CNTN4: variants seen among roughly 807,000 people sequenced by gnomAD.
The protein encoded by CNTN4 is contactin 4.
Under a neutral mutation model 122.5 loss-of-function variants are expected in CNTN4, and 77 were observed. The observed-to-expected ratio is 0.63, with a 90% CI of 0.52 to 0.76. The LOEUF (loss-of-function observed/expected upper bound fraction) is 0.76, where lower values mean the gene tolerates loss of function less well. Among genes scored for constraint, CNTN4 ranks in the 30% least tolerant of loss-of-function variants. The pLI, the probability that CNTN4 is intolerant of heterozygous loss-of-function variation, is 0.00. For synonymous variants in CNTN4, 512 were observed against 447.0 expected (o/e 1.15, Z -1.83); for missense variants, 1,256 against 1,259.1 (o/e 1.00, Z 0.04).
intron 7 of CNTN4, among the ~76,000 whole-genome samples, chr3:2,824,172 A>AC (rs1423625960): frequency 6.6e-6 from 1 of 151,604 alleles, no homozygotes; most frequent in Non-Finnish European, 1.5e-5. Flanking sequence ...AAAAAAAAAA[A>AC]AACAGGCCAG....
intron 8 of CNTN4, among the ~76,000 whole-genome samples, chr3:2,876,431 A>T (rs1484321464): frequency 3.9e-5 from 5 of 127,410 alleles, no homozygotes; most frequent in Non-Finnish European, 6.5e-5. Flanking sequence ...TTTCTCAAGA[A>T]AGTCAATGTG....
intron 4 of CNTN4, among the ~76,000 whole-genome samples, chr3:2,661,796 CA>C (rs1330326283): frequency 3.2e-5 from 2 of 62,920 alleles, no homozygotes; most frequent in Non-Finnish European, 5.9e-5. Flanking sequence ...GCAACAAGAG[CA>C]AAATTCCATC....
intron 2 of CNTN4, among the ~76,000 whole-genome samples, chr3:2,196,663 G>A (rs1025009667): frequency 2.0e-5 from 3 of 152,214 alleles, no homozygotes; most frequent in South Asian, 2.1e-4. Context: ...CTGGAAGGCC[G>A]TTGGCTTTGT....
Position 2,730,272 on chromosome 3 carries a change from A to G in CNTN4, c.56-5943A>G, listed in dbSNP as rs1405492673. Among the ~76,000 whole-genome samples, 3 of 152,204 alleles carry G rather than the reference A, an allele frequency of 2.0e-5. No homozygotes were observed. The East Asian group carries it at 5.8e-4, about 29-fold the overall frequency. On this transcript the variant is annotated intron_variant, in intron 4 of 24. Transcript: ENST00000418658. ...TGAAGGTGATTTATACAATGTTTTA[A>G]ATAATTTTGTGCATGAAACAAAGTT...
chr3:2,238,467 T>C (rs1220731463), intron 2 of CNTN4, among the ~76,000 whole-genome samples: 1 of 151,974 alleles, frequency 6.6e-6, no homozygotes, highest in Non-Finnish European at 1.5e-5. Context: ...TGCTGATGTA[T>C]AATAAAATTG....
intron 2 of CNTN4, among the ~76,000 whole-genome samples, chr3:2,257,497 C>G (rs142739360): frequency 5.5e-4 from 84 of 151,946 alleles, no homozygotes; most frequent in African/African-American, 1.9e-3. Context: ...TCAGAGTGAA[C>G]AGGCAACACA....
At chr3:2,197,239 C>T (rs1355519200) in intron 2 of CNTN4, among the ~76,000 whole-genome samples, 1 of 152,034 alleles carries the variant, frequency 6.6e-6, no homozygotes, top group African/African-American at 2.4e-5. Context: ...TAGCTTTCTG[C>T]GGATGCTCTG....
chr3:2,893,263 C>G (rs926726543), intron 10 of CNTN4, among the ~76,000 whole-genome samples: 2 of 152,144 alleles, frequency 1.3e-5, no homozygotes, highest in Non-Finnish European at 2.9e-5. Flanking sequence ...TTGAGTATCT[C>G]TAAGGTCATC....
At chr3:2,810,426 C>T (rs1319144113) in intron 6 of CNTN4, among the ~76,000 whole-genome samples, 1 of 151,916 alleles carries the variant, frequency 6.6e-6, no homozygotes, top group Non-Finnish European at 1.5e-5. Context: ...TTCCTGGAAA[C>T]AAAGAGTGAT....
At chr3:2,712,514 A>C (rs186823612) in intron 4 of CNTN4, among the ~76,000 whole-genome samples, 1 of 152,192 alleles carries the variant, frequency 6.6e-6, no homozygotes, top group East Asian at 1.9e-4. Context: ...TTTATTTAAT[A>C]TAAGTTTTAT....
chr3:2,120,384 T>TATATATATCTATATAA (rs2033665120), intron 2 of CNTN4, among the ~76,000 whole-genome samples: 2 of 29,878 alleles, frequency 6.7e-5, no homozygotes, highest in Admixed American at 4.7e-4. Context: ...AATATATATA[T>TATATATATCTATATAA]ATATATATAT....
At chr3:2,355,273 G>A (rs115013645) in intron 3 of CNTN4, among the ~76,000 whole-genome samples, 298 of 152,300 alleles carry the variant, frequency 2.0e-3, no homozygotes, top group African/African-American at 5.2e-3. Flanking sequence ...ATCACCTAGC[G>A]AGTCAATCAA....
At chr3:2,354,821 C>T (rs1257001250) in intron 3 of CNTN4, among the ~76,000 whole-genome samples, 1 of 152,120 alleles carries the variant, frequency 6.6e-6, no homozygotes, top group Non-Finnish European at 1.5e-5. Flanking sequence ...TATCAAACAG[C>T]CAGGAGTTCT....
chr3:2,397,864 A>G (rs1225787618), intron 3 of CNTN4, among the ~76,000 whole-genome samples: 1 of 152,202 alleles, frequency 6.6e-6, no homozygotes, highest in Non-Finnish European at 1.5e-5. Context: ...ACACTACAGC[A>G]ACCCCAGTGC....
chr3:3,035,134 C>T (rs569455180), intron 17 of CNTN4, among the ~76,000 whole-genome samples: 2 of 151,870 alleles, frequency 1.3e-5, no homozygotes, highest in Admixed American at 6.6e-5. Flanking sequence ...ATGGCAAAAC[C>T]CCCTCTCTAC....
chr3:2,366,713 C>T (rs919742668), intron 3 of CNTN4, among the ~76,000 whole-genome samples: 8 of 150,294 alleles, frequency 5.3e-5, no homozygotes, highest in Non-Finnish European at 7.4e-5. Flanking sequence ...GGTGACAAAG[C>T]GAGACTCTGT....
intron 7 of CNTN4, among the ~76,000 whole-genome samples, chr3:2,845,303 G>A (rs983452291): frequency 4.6e-5 from 7 of 152,040 alleles, no homozygotes; most frequent in East Asian, 1.9e-4. Flanking sequence ...CATGATGAAC[G>A]TAGCTTATGT....
intron 4 of CNTN4, among the ~76,000 whole-genome samples, chr3:2,695,637 C>G (rs147378919): frequency 1.3e-5 from 2 of 152,072 alleles, no homozygotes; most frequent in Admixed American, 6.5e-5. Context: ...ATAGAGAAGA[C>G]GAACAGAGCA....
chr3:2,761,137 A>C (rs187056704), intron 6 of CNTN4, among the ~76,000 whole-genome samples: 2 of 152,332 alleles, frequency 1.3e-5, no homozygotes, highest in Non-Finnish European at 2.9e-5. Flanking sequence ...TTCTAAGAAC[A>C]ATGGACACTG....
Sources: allele counts gnomAD v4.1 joint callset (sites outside exome capture counted in the v4.1 genomes callset), GRCh38; gene constraint gnomAD v4.1.1; transcripts MANE v1.5; gene names NCBI Gene and HGNC (gene_info 2026-07-23, HGNC 2026-07-21).